The following LRP1B variants were observed in gnomAD, a reference collection of about 807,000 sequenced individuals.
The protein encoded by LRP1B is low-density lipoprotein receptor-related protein 1B.
In LRP1B, 217 loss-of-function variants were observed where a neutral mutation model predicts 556.6. The observed-to-expected ratio is 0.39, with a 90% CI of 0.35 to 0.44. LRP1B has a LOEUF of 0.44. Among genes scored for constraint, LRP1B ranks in the 20% least tolerant of loss-of-function variants. LRP1B has a pLI of 1.00. For synonymous variants in LRP1B, 2,047 were observed against 1,865.8 expected (o/e 1.10, Z -2.50); for missense variants, 5,053 against 5,620.8 (o/e 0.90, Z 3.23).
At chr2:141,540,661 C>CATTCTA (rs1685226714) in intron 2 of LRP1B, among the ~76,000 whole-genome samples, 1 of 151,978 alleles carries the variant, frequency 6.6e-6, no homozygotes, top group Non-Finnish European at 1.5e-5. Flanking sequence ...AACTGTATAA[C>CATTCTA]AAATGATTTA....
chr2:140,975,063 T>C (rs1305863539), intron 18 of LRP1B, among the ~76,000 whole-genome samples: 1 of 151,854 alleles, frequency 6.6e-6, no homozygotes, highest in Non-Finnish European at 1.5e-5. Flanking sequence ...GGGAAAAAAA[T>C]TAAAAAAAGT....
At chr2:141,125,406 C>G (rs1302653397) in intron 7 of LRP1B, among the ~76,000 whole-genome samples, 2 of 152,220 alleles carry the variant, frequency 1.3e-5, no homozygotes, top group African/African-American at 4.8e-5. Flanking sequence ...ACAAGATATT[C>G]TAGAATGTTG....
intron 86 of LRP1B, among the ~76,000 whole-genome samples, chr2:140,255,276 G>C (rs1269449113): frequency 2.0e-5 from 3 of 152,098 alleles, no homozygotes. Context: ...TAGACCCAAA[G>C]TGAGAAGGTT....
intron 43 of LRP1B, among the ~76,000 whole-genome samples, chr2:140,590,531 T>C (rs1281233346): frequency 6.7e-6 from 1 of 149,148 alleles, no homozygotes; most frequent in African/African-American, 2.5e-5. Context: ...TTACTAATTT[T>C]ATAGAATTTG....
At chr2:141,948,147 A>C (rs2105028351) in intron 1 of LRP1B, among the ~76,000 whole-genome samples, 1 of 152,068 alleles carries the variant, frequency 6.6e-6, no homozygotes, top group Non-Finnish European at 1.5e-5. Context: ...AATATACAAA[A>C]AATTAGCTGG....
intron 41 of LRP1B, among the ~76,000 whole-genome samples, chr2:140,676,905 AAAC>A (rs1685689466): frequency 6.6e-6 from 1 of 152,256 alleles, no homozygotes; most frequent in Non-Finnish European, 1.5e-5. Flanking sequence ...GAGATACAGC[AAAC>A]AACATTCTAA....
At chr2:141,297,021 G>A (rs575727018) in intron 3 of LRP1B, among the ~76,000 whole-genome samples, 4 of 152,152 alleles carry the variant, frequency 2.6e-5, no homozygotes, top group Non-Finnish European at 2.9e-5. Context: ...TCCATGTTGC[G>A]GCAAAGGATA....
intron 35 of LRP1B, among the ~76,000 whole-genome samples, chr2:140,740,793 G>A (rs1248339660): frequency 6.6e-6 from 1 of 152,022 alleles, no homozygotes; most frequent in Non-Finnish European, 1.5e-5. Context: ...ATCTTCATAT[G>A]GTCTTTCCTC....
At chr2:140,265,269 T>C (rs1370717218) in intron 86 of LRP1B, among the ~76,000 whole-genome samples, 1 of 143,082 alleles carries the variant, frequency 7.0e-6, no homozygotes, top group East Asian at 2.0e-4. Context: ...ACTGTCAAAA[T>C]AACACATTAG....
intron 1 of LRP1B, among the ~76,000 whole-genome samples, chr2:141,970,493 A>G (rs1701696582): frequency 6.6e-6 from 1 of 151,512 alleles, no homozygotes; most frequent in South Asian, 2.1e-4. Context: ...CAGGAATATC[A>G]CAATTCCTAG....
intron 52 of LRP1B, among the ~76,000 whole-genome samples, chr2:140,508,511 G>A (rs1404433033): frequency 6.6e-6 from 1 of 151,966 alleles, no homozygotes; most frequent in Non-Finnish European, 1.5e-5. Flanking sequence ...ATATAATCAG[G>A]CATAATTTAC....
rs559761559 is a variant in LRP1B at position 142,107,889 on chromosome 2, G to A, written c.82+22759C>T. 1.5e-4 allele frequency among the ~76,000 whole-genome samples: 22 copies of A among 145,410 alleles called. No individual in the cohort carries two copies. In the East Asian group the frequency reaches 2.8e-3, roughly 19 times the overall value. On this transcript the variant is annotated intron_variant, in intron 1 of 90. Transcript: ENST00000389484. ...TTGAACTCCTGACCTCAAGTGATCC[G>A]CCCACCTCGGCCTCCCAAAGTGCTG... is the stretch of plus-strand genomic sequence containing the variant.
chr2:142,037,264 G>A (rs1015767579), intron 1 of LRP1B, among the ~76,000 whole-genome samples: 30 of 151,722 alleles, frequency 2.0e-4, no homozygotes, highest in African/African-American at 7.2e-4. Flanking sequence ...TTCATCTGGT[G>A]TAGTGGTTTC....
intron 21 of LRP1B, among the ~76,000 whole-genome samples, chr2:140,920,480 T>A (rs188037880): frequency 6.6e-6 from 1 of 152,144 alleles, no homozygotes; most frequent in Admixed American, 6.6e-5. Flanking sequence ...AATCATGAAC[T>A]TTGGATTAAA....
chr2:140,979,711 G>A (rs1696711621), intron 18 of LRP1B, among the ~76,000 whole-genome samples: 1 of 152,152 alleles, frequency 6.6e-6, no homozygotes, highest in Non-Finnish European at 1.5e-5. Flanking sequence ...AGTCATTGAA[G>A]TATAATGGCA....
Position 140,239,482 on chromosome 2 carries a change from T to C in LRP1B, c.13375A>G (p.Thr4459Ala). ...CAAAGCACTAAACCAATTACTAAGG[T>C]GGTTATCAAAGTCACCAAGAGGACG... ...PLVLLVTLIT[T>A]LVIGLVLCKR... The change falls in exon 88 of 91, where the codon ACC becomes GCC. Residue 4459 changes from threonine (T) to alanine (A), a missense_variant. Transcript: ENST00000389484. The C allele has an allele frequency of 3.1e-6, 5 of 1,604,842 alleles. No homozygotes were observed. The highest frequency in any genetic ancestry group is 4.3e-6 in the Non-Finnish European group (5 of 1,174,270).
At chr2:140,888,764 G>C (rs1229763374) in intron 23 of LRP1B, among the ~76,000 whole-genome samples, 1 of 151,868 alleles carries the variant, frequency 6.6e-6, no homozygotes, top group Non-Finnish European at 1.5e-5. Context: ...AGGAGTTTGA[G>C]ACCAGCCTGG....
intron 35 of LRP1B, among the ~76,000 whole-genome samples, chr2:140,719,761 T>G (rs977372160): frequency 3.3e-5 from 5 of 152,040 alleles, no homozygotes; most frequent in Non-Finnish European, 5.9e-5. Flanking sequence ...TTAGGTACAT[T>G]TGGGAAATTG....
At chr2:140,501,026 G>A (rs907839155) in intron 55 of LRP1B, among the ~76,000 whole-genome samples, 1 of 151,866 alleles carries the variant, frequency 6.6e-6, no homozygotes. Context: ...AATACACAAC[G>A]TTGCATTTCA....
Sources: allele counts gnomAD v4.1 joint callset (sites outside exome capture counted in the v4.1 genomes callset), GRCh38; gene constraint gnomAD v4.1.1; transcripts MANE v1.5; gene names NCBI Gene and HGNC (gene_info 2026-07-23, HGNC 2026-07-21).